Variants in ACAP3 observed in about 807,000 individuals in gnomAD.
ACAP3 encodes the protein ArfGAP with coiled-coil, ankyrin repeat and PH domains 3.
Under a neutral mutation model 104.1 loss-of-function variants are expected in ACAP3, and 56 were observed. The observed-to-expected ratio is 0.54, with a 90% CI of 0.43 to 0.67. The LOEUF is 0.67. Ranked by LOEUF, ACAP3 falls within the 30% of genes least tolerant of loss-of-function variation. The pLI, the probability that ACAP3 is intolerant of heterozygous loss-of-function variation, is 0.00. For missense variants in ACAP3, 1,208 were observed against 1,174.9 expected (o/e 1.03, Z -0.41); for synonymous variants, 628 against 496.2 (o/e 1.27, Z -3.53).
intron 14 of ACAP3, among the ~76,000 whole-genome samples, chr1:1,296,842 C>T (rs1030467015): frequency 6.8e-6 from 1 of 147,110 alleles, no homozygotes; most frequent in Admixed American, 6.7e-5. Context: ...CGCACACCCT[C>T]ACGTGGACAG....
At chr1:1,299,435 C>T in intron 9 of ACAP3, 79 bp from the exon 10 acceptor site, 3 of 1,419,168 alleles carry the variant, frequency 2.1e-6, no homozygotes, top group African/African-American at 1.5e-5. Flanking sequence ...CTGGTGGACC[C>T]GTCCCCAACT....
intron 14 of ACAP3, among the ~76,000 whole-genome samples, chr1:1,296,932 C>G (rs1373809696): frequency 3.9e-5 from 6 of 152,328 alleles, no homozygotes; most frequent in South Asian, 2.1e-4. Flanking sequence ...CACACTCCCA[C>G]ACGCGCGTGT....
At chr1:1,296,825 ACACACGCG>A (rs1325097267) in intron 14 of ACAP3, among the ~76,000 whole-genome samples, 192 bp from the exon 15 acceptor site, 1 of 144,050 alleles carries the variant, frequency 6.9e-6, no homozygotes, top group Admixed American at 6.8e-5. Flanking sequence ...CCGCACACGC[ACACACGCG>A]CACACCCTCA....
chr1:1,294,131 G>T lies in ACAP3; in HGVS notation c.2208C>A (p.Gly736=), dbSNP rs1030926723. 4 of 1,592,246 alleles carry T rather than the reference G, an allele frequency of 2.5e-6. No individual in the cohort carries two copies. The highest frequency in any genetic ancestry group is 3.4e-6 in the Non-Finnish European group (4 of 1,169,656). Residue 736 remains glycine, a synonymous_variant, in exon 22 of 24, where the codon GGC becomes GGA. Coordinates refer to ENST00000354700, the MANE Select transcript of ACAP3 (RefSeq NM_030649.3). ...GADVNQRDSR[G]RAPLHHATLL... ...GCGTGGCGTGGTGCAGGGGCGCCCGGCCCCGGCTGTCTCTTTGGTTCACGT... is the reference window on the plus strand; with the variant it reads ...GCGTGGCGTGGTGCAGGGGCGCCCGTCCCCGGCTGTCTCTTTGGTTCACGT...
chr1:1,307,197 C>T, intron 1 of ACAP3: 3 of 1,287,304 alleles, frequency 2.3e-6, no homozygotes, highest in Non-Finnish European at 3.0e-6. Flanking sequence ...CGCCTGCACG[C>T]CACGAATGAT....
chr1:1,307,372 C>T (rs1014601661), intron 1 of ACAP3: 1 of 1,290,132 alleles, frequency 7.8e-7, no homozygotes, highest in Non-Finnish European at 1.0e-6. Flanking sequence ...TGCCTGTTCC[C>T]CACGCGCTGC....
At chr1:1,296,371 C>T in intron 15 of ACAP3, 54 bp downstream of exon 15, 1 of 1,533,648 alleles carries the variant, frequency 6.5e-7, no homozygotes, top group South Asian at 1.2e-5. Flanking sequence ...CAGGGGCCCA[C>T]CTGTGGATGC....
chr1:1,303,935 T>C lies in ACAP3; in HGVS notation c.105+151A>G. The stretch of plus-strand genomic sequence containing the variant: ...TGACATGTGCACCCTGGAACACACA[T>C]GCTAAGACACAGGGACCAGGACCTG... On this transcript the variant is annotated intron_variant, in intron 2 of 23. Coordinates refer to ENST00000354700, the MANE Select transcript of ACAP3 (RefSeq NM_030649.3). This position sits in a 1 kb window ranked among gnomAD's most constrained non-coding sequence, Gnocchi z 4.0. 1.1e-6 allele frequency: 1 copy of C among 911,686 alleles called. No homozygotes were observed. Among genetic ancestry groups the C allele is most frequent in the South Asian group, 1.6e-5 (1 of 62,384 alleles). The allele number at this position is 911,686 out of a possible 1,614,324, so 56.5% of individuals were successfully genotyped here. A position where few individuals can be genotyped will look rare whatever the true frequency, so the allele number is the denominator to read the frequency against.
chr1:1,304,503 T>A, intron 1 of ACAP3: 1 of 377,434 alleles, frequency 2.6e-6, no homozygotes, highest in Non-Finnish European at 5.0e-6. Context: ...CCTGGACCCA[T>A]CTGGAGCCCC....
Position 1,293,522 on chromosome 1 carries a change from CGTCGGGCCGGGCGGGGT to C in ACAP3, c.*25_*41del. 1 of 1,401,068 alleles carries C rather than the reference CGTCGGGCCGGGCGGGGT, an allele frequency of 7.1e-7. No homozygotes were observed. Among genetic ancestry groups the C allele is most frequent in the East Asian group, 3.2e-5 (1 of 30,894 alleles). The allele number at this position is 1,401,068 out of a possible 1,614,324, so 86.8% of individuals were successfully genotyped here. A position where few individuals can be genotyped will look rare whatever the true frequency, so the allele number is the denominator to read the frequency against. On this transcript the variant is annotated 3_prime_UTR_variant, in exon 24 of 24. Coordinates refer to ENST00000354700, the MANE Select transcript of ACAP3 (RefSeq NM_030649.3). Reference sequence around the variant, plus strand: ...GCCAGGGACTTCGGGGCATGCGGGGCGTCGGGCCGGGCGGGGTGGCAGCTGCCCGGCCTGCCCGGCCC... The same window carrying C: ...GCCAGGGACTTCGGGGCATGCGGGGCGGCAGCTGCCCGGCCTGCCCGGCCC...
intron 5 of ACAP3, among the ~76,000 whole-genome samples, chr1:1,301,003 G>A (rs1557606548): frequency 6.6e-6 from 1 of 152,190 alleles, no homozygotes. Flanking sequence ...CCGACCTCAG[G>A]TGATTCACCC....
In ACAP3 at chr1:1,293,414, G is replaced by A; in HGVS notation, c.*150C>T. On this transcript the variant is annotated 3_prime_UTR_variant, in exon 24 of 24. Coordinates refer to ENST00000354700, the MANE Select transcript of ACAP3 (RefSeq NM_030649.3). ...GTGTGGGGCCCTCGCTCTCCTCCTGGGCGAGCAGGGCCGCGGCGCCCCAGC... is the reference window on the plus strand; with the variant it reads ...GTGTGGGGCCCTCGCTCTCCTCCTGAGCGAGCAGGGCCGCGGCGCCCCAGC... 1.3e-6 allele frequency: 1 copy of A among 767,804 alleles called. No individual in the cohort carries two copies. Among genetic ancestry groups the A allele is most frequent in the Non-Finnish European group, 1.8e-6 (1 of 569,188 alleles). 47.6% of individuals were successfully genotyped at this position (767,804 alleles called of 1,614,324 possible). A position where few individuals can be genotyped will look rare whatever the true frequency, so the allele number is the denominator to read the frequency against.
intron 1 of ACAP3, among the ~76,000 whole-genome samples, chr1:1,306,695 C>T (rs528557833): frequency 5.1e-4 from 77 of 152,356 alleles, no homozygotes; most frequent in African/African-American, 1.7e-3. Flanking sequence ...ATCAAGCACA[C>T]ATGTGCAAAC....
intron 18 of ACAP3, 70 bp from the exon 19 acceptor site, chr1:1,295,624 G>C (rs1456517358): frequency 6.4e-7 from 1 of 1,566,814 alleles, no homozygotes; most frequent in African/African-American, 1.4e-5. Context: ...AGGTCACGCC[G>C]GGAGTCTGCG....
intron 11 of ACAP3, 59 bp downstream of exon 11, chr1:1,298,508 C>T (rs1322886322): frequency 9.7e-5 from 132 of 1,364,124 alleles, no homozygotes; most frequent in Non-Finnish European, 4.9e-6. Context: ...ACCCCACCCC[C>T]GCCTGAGGAC....
At chr1:1,301,697 T>A in intron 5 of ACAP3, 2 of 258,906 alleles carry the variant, frequency 7.7e-6, no homozygotes, top group Non-Finnish European at 1.4e-5. Flanking sequence ...CACCTCACTC[T>A]CAAGATCTGT....
At chr1:1,299,018 C>T (rs954358206) in intron 10 of ACAP3, 37 of 556,452 alleles carry the variant, frequency 6.6e-5, no homozygotes, top group Admixed American at 3.2e-4. Flanking sequence ...ATGTGGCCAG[C>T]TGGGCGGACA....
chr1:1,296,991 C>T (rs1293741404), intron 14 of ACAP3, among the ~76,000 whole-genome samples: 6 of 152,258 alleles, frequency 3.9e-5, no homozygotes, highest in Non-Finnish European at 7.3e-5. Flanking sequence ...CACACATGCA[C>T]ATCCACACTG....
chr1:1,302,089 A>G (rs761479546), intron 4 of ACAP3, 43 bp from the exon 5 acceptor site: 2 of 1,428,688 alleles, frequency 1.4e-6, no homozygotes, highest in South Asian at 1.5e-5. Context: ...TCTGTCCCGA[A>G]AGAGCCCCAG....
Sources: allele counts gnomAD v4.1 joint callset (sites outside exome capture counted in the v4.1 genomes callset), GRCh38; gene constraint gnomAD v4.1.1; non-coding constraint Gnocchi (gnomAD v3.1); transcripts MANE v1.5; gene names NCBI Gene and HGNC (gene_info 2026-07-23, HGNC 2026-07-21).